Variants in AFG1L observed in about 807,000 individuals in gnomAD.
AFG1L encodes the protein AFG1 like ATPase.
In AFG1L, 53 loss-of-function variants were observed where a neutral mutation model predicts 62.2. That is an observed-to-expected ratio of 0.85 (90% CI 0.68 to 1.07). The LOEUF (loss-of-function observed/expected upper bound fraction) is 1.07. Among genes scored for constraint, AFG1L ranks in the 50% least tolerant of loss-of-function variants. The pLI is 0.00. For missense variants in AFG1L, 555 were observed against 590.5 expected, an observed-to-expected ratio of 0.94 and a Z score of 0.62; for synonymous variants, 228 against 210.3, an observed-to-expected ratio of 1.08 and a Z score of -0.73.
At chr6:108,457,767 T>C (rs1772308927) in intron 8 of AFG1L, among the ~76,000 whole-genome samples, 1 of 152,142 alleles carries the variant, frequency 6.6e-6, no homozygotes, top group Admixed American at 6.5e-5. Context: ...TAACATTTCT[T>C]ATAGTAGTGG....
chr6:108,475,698 G>C (rs1490253525), intron 8 of AFG1L, among the ~76,000 whole-genome samples: 1 of 152,132 alleles, frequency 6.6e-6, no homozygotes, highest in African/African-American at 2.4e-5. Context: ...AGGTGGAGTG[G>C]TTATTACTTG....
intron 7 of AFG1L, among the ~76,000 whole-genome samples, chr6:108,409,400 G>A (rs1582540470): frequency 6.6e-6 from 1 of 152,268 alleles, no homozygotes; most frequent in East Asian, 1.9e-4. Flanking sequence ...GGTCCTATCT[G>A]TAGAGACCAT....
intron 8 of AFG1L, among the ~76,000 whole-genome samples, chr6:108,463,799 T>C (rs949168543): frequency 6.6e-6 from 1 of 152,202 alleles, no homozygotes; most frequent in Non-Finnish European, 1.5e-5. Context: ...TTCTAACAAC[T>C]GATTTCGTTA....
At chr6:108,331,105 T>C (rs936183690) in intron 2 of AFG1L, among the ~76,000 whole-genome samples, 3 of 151,466 alleles carry the variant, frequency 2.0e-5, no homozygotes, top group Admixed American at 1.3e-4. Context: ...CTGGCCAACA[T>C]AGGGAGACCC....
At chr6:108,498,923 A>G (rs1004753113) in intron 10 of AFG1L, among the ~76,000 whole-genome samples, 5 of 152,110 alleles carry the variant, frequency 3.3e-5, no homozygotes, top group Admixed American at 3.3e-4. Context: ...GCAGTGAGCC[A>G]AGATTGCGCC....
intron 5 of AFG1L, 46 bp from the exon 6 acceptor site, chr6:108,366,187 C>T: frequency 8.2e-7 from 1 of 1,213,544 alleles, no homozygotes; most frequent in Non-Finnish European, 1.2e-6. Flanking sequence ...AAATTTGTTA[C>T]AGCAGAAGTG....
At chr6:108,382,160 C>A (rs918978342) in intron 6 of AFG1L, among the ~76,000 whole-genome samples, 1 of 152,004 alleles carries the variant, frequency 6.6e-6, no homozygotes. Flanking sequence ...GCCACCACAC[C>A]TGGCTAATTT....
At chr6:108,332,004 T>C (rs1050206853) in intron 2 of AFG1L, among the ~76,000 whole-genome samples, 6 of 152,188 alleles carry the variant, frequency 3.9e-5, no homozygotes, top group Non-Finnish European at 8.8e-5. Context: ...TACCATCTTT[T>C]ATTTGGATAC....
chr6:108,373,618 A>G (rs1036628684), intron 6 of AFG1L, among the ~76,000 whole-genome samples: 38 of 140,872 alleles, frequency 2.7e-4, no homozygotes, highest in African/African-American at 7.8e-4. Flanking sequence ...GATGGAGTCT[A>G]GCTTTGTTAC....
At chr6:108,391,879 A>G (rs960759161) in intron 6 of AFG1L, among the ~76,000 whole-genome samples, 7 of 152,208 alleles carry the variant, frequency 4.6e-5, no homozygotes, top group Non-Finnish European at 8.8e-5. Context: ...AGCGTACAGT[A>G]CAAGGCTCAA....
chr6:108,310,077 T>G (rs1187530785), intron 1 of AFG1L, among the ~76,000 whole-genome samples: 4 of 152,192 alleles, frequency 2.6e-5, no homozygotes, highest in Non-Finnish European at 5.9e-5. Flanking sequence ...AGGTGGGTGA[T>G]GTATACTCAG....
intron 7 of AFG1L, among the ~76,000 whole-genome samples, chr6:108,422,499 A>AAAAAAAAAAAAAAAAAAAT (rs1770645115): frequency 6.7e-6 from 1 of 148,340 alleles, no homozygotes; most frequent in Non-Finnish European, 1.5e-5. Flanking sequence ...AAAAAAAAAA[A>AAAAAAAAAAAAAAAAAAAT]GAAGAAGAAA....
intron 6 of AFG1L, among the ~76,000 whole-genome samples, chr6:108,383,311 A>G (rs990576887): frequency 1.3e-5 from 2 of 152,210 alleles, no homozygotes; most frequent in African/African-American, 4.8e-5. Flanking sequence ...TAGAGCAAAG[A>G]GAAGTATGTT....
chr6:108,458,838 T>C (rs933904283), intron 8 of AFG1L, among the ~76,000 whole-genome samples: 6 of 152,204 alleles, frequency 3.9e-5, no homozygotes, highest in African/African-American at 1.4e-4. Context: ...CTGTGAATTT[T>C]ATATTGTCGG....
At chr6:108,375,608 T>C (rs779077194) in intron 6 of AFG1L, among the ~76,000 whole-genome samples, 1 of 152,228 alleles carries the variant, frequency 6.6e-6, no homozygotes, top group Non-Finnish European at 1.5e-5. Context: ...TTTAATTCTG[T>C]CTATGTGGTG....
At chr6:108,454,272 T>G (rs1161027350) in intron 8 of AFG1L, among the ~76,000 whole-genome samples, 1 of 152,208 alleles carries the variant, frequency 6.6e-6, no homozygotes, top group Non-Finnish European at 1.5e-5. Flanking sequence ...TTTAAGACTA[T>G]AAAATTTATT....
At chr6:108,465,701 T>C (rs17069584) in intron 8 of AFG1L, among the ~76,000 whole-genome samples, 8,113 of 150,868 alleles carry the variant, frequency 0.054, 270 homozygotes, top group South Asian at 0.11. Context: ...TACAATAAAG[T>C]TGTGTTCTTA....
chr6:108,525,816 T>G lies in AFG1L; in HGVS notation c.*3391T>G, dbSNP rs2114930054. ...ATTTTCCATTTCATTGCCTCTGTCCTGAAAACAGTATTGCTGGTCCAAGTA... is the reference window on the plus strand; with the variant it reads ...ATTTTCCATTTCATTGCCTCTGTCCGGAAAACAGTATTGCTGGTCCAAGTA... On this transcript the variant is annotated 3_prime_UTR_variant, in exon 13 of 13. Coordinates refer to ENST00000368977, the MANE Select transcript of AFG1L (RefSeq NM_145315.5). 1 of 152,370 alleles carries G rather than the reference T, an allele frequency of 6.6e-6. No homozygotes were observed. Among genetic ancestry groups the G allele is most frequent in the Non-Finnish European group, 1.5e-5 (1 of 68,032 alleles). 9.4% of individuals were successfully genotyped at this position (152,370 alleles called of 1,614,324 possible). A position where few individuals can be genotyped will look rare whatever the true frequency, so the allele number is the denominator to read the frequency against.
intron 8 of AFG1L, among the ~76,000 whole-genome samples, chr6:108,469,639 T>C (rs1772808244): frequency 6.6e-6 from 1 of 152,196 alleles, no homozygotes; most frequent in Non-Finnish European, 1.5e-5. Context: ...TTTTATAGGC[T>C]GGTACTTGTG....
Sources: allele counts gnomAD v4.1 joint callset (sites outside exome capture counted in the v4.1 genomes callset), GRCh38; gene constraint gnomAD v4.1.1; transcripts MANE v1.5; gene names NCBI Gene and HGNC (gene_info 2026-07-23, HGNC 2026-07-21).